The following COL11A1 variants were observed in gnomAD, a reference collection of about 807,000 sequenced individuals.
COL11A1 encodes collagen type XI alpha 1 chain, also known as collagen alpha-1(XI) chain.
Under a neutral mutation model 265.2 loss-of-function variants are expected in COL11A1, and 74 were observed. The ratio of observed to expected loss-of-function variants is 0.28; its 90% CI spans 0.23 to 0.34. COL11A1 has a LOEUF of 0.34. COL11A1 is among the 10% of genes least tolerant of loss of function. The probability of loss-of-function intolerance (pLI) is 1.00; values close to 1 mark genes in which losing one functional copy is unlikely to be tolerated. For missense variants in COL11A1, 2,165 were observed against 2,263.6 expected (o/e 0.96, Z 0.88); for synonymous variants, 816 against 727.6 (o/e 1.12, Z -1.96).
rs1464803763 is a variant in COL11A1 at position 102,931,540 on chromosome 1, T to G, written c.3600+2909A>C. The stretch of plus-strand genomic sequence containing the variant: ...ATGTGGTCAATTTTGGAATAGGTGT[T>G]TTGTGGTGCTGAAAAAAATGTATAT... On this transcript the variant is annotated intron_variant, in intron 46 of 66. Coordinates refer to ENST00000370096, the MANE Select transcript of COL11A1 (RefSeq NM_001854.4). Among the ~76,000 whole-genome samples the G allele has an allele frequency of 2.0e-3, 304 of 151,812 alleles. 1 individual carries two copies. The highest frequency in any genetic ancestry group is 6.9e-3 in the African/African-American group (287 of 41,390).
intron 23 of COL11A1, 122 bp downstream of exon 23, chr1:103,002,304 TCC>T (rs1291199265): frequency 3.2e-6 from 3 of 925,538 alleles, no homozygotes; most frequent in Non-Finnish European, 5.1e-6. Flanking sequence ...GTATGTATTT[TCC>T]TACATTCACA....
At chr1:102,914,523 T>C (rs1033660628) in intron 51 of COL11A1, 118 bp from the exon 52 acceptor site, 10 of 1,097,860 alleles carry the variant, frequency 9.1e-6, no homozygotes, top group Non-Finnish European at 1.3e-5. Flanking sequence ...ATATTTCTCT[T>C]CTCCCGCCAA....
chr1:102,885,325 A>C (rs1320506), intron 63 of COL11A1, among the ~76,000 whole-genome samples: 142,682 of 152,062 alleles, frequency 0.94, 66,992 homozygotes, highest in East Asian at 1. Context: ...GAATCGAATT[A>C]TTTCTACCTT....
At chr1:103,046,159 G>A (rs1293283250) in intron 4 of COL11A1, among the ~76,000 whole-genome samples, 3 of 150,814 alleles carry the variant, frequency 2.0e-5, no homozygotes, top group Non-Finnish European at 4.4e-5. Context: ...GGGTCAAATG[G>A]TATTTCTAGT....
At chr1:102,926,981 C>T (rs1198003722) in intron 46 of COL11A1, among the ~76,000 whole-genome samples, 1 of 151,822 alleles carries the variant, frequency 6.6e-6, no homozygotes, top group Admixed American at 6.6e-5. Context: ...ATTATTTTGA[C>T]CTTAAAATGA....
intron 4 of COL11A1, among the ~76,000 whole-genome samples, chr1:103,068,397 C>T (rs1671316163): frequency 6.6e-6 from 1 of 151,490 alleles, no homozygotes; most frequent in Non-Finnish European, 1.5e-5. Flanking sequence ...AAATTTAGTA[C>T]ATGTTCTTGA....
At position 102,879,905 on chromosome 1, in the gene COL11A1, T is replaced by G. The variant is rs1289194467; in HGVS notation, c.5052A>C (p.Leu1684Phe). The G allele has an allele frequency of 6.2e-7, 1 of 1,606,380 alleles. No individual in the cohort carries two copies. The highest frequency in any genetic ancestry group is 1.7e-4 in the Middle Eastern group (1 of 6,046). The change falls in exon 66 of 67, where the codon TTA becomes TTC. Residue 1684 changes from leucine (L) to phenylalanine (F), a missense_variant. By Grantham distance (22) the Leu-to-Phe change is conservative. Coordinates refer to ENST00000370096, the MANE Select transcript of COL11A1 (RefSeq NM_001854.4). ...TATTGATGGAATTTCCTTCAACATC[T>G]AAGTATGAAAGCTAGGAATAAAGGA... ...EFKRGKLLSY[L>F]DVEGNSINMV...
In COL11A1 at chr1:103,010,814, C is replaced by T. The variant is rs2485317; in HGVS notation, c.1629+1599G>A. 3.1e-3 allele frequency among the ~76,000 whole-genome samples: 464 copies of T among 152,092 alleles called. 3 individuals carry two copies. Among genetic ancestry groups the T allele is most frequent in the African/African-American group, 0.011 (445 of 41,468 alleles). On this transcript the variant is annotated intron_variant, in intron 14 of 66. Transcript: ENST00000370096. ...ATCCCGGGTTCAAGCCATTCTCCTG[C>T]CTCAGCCTCCCGAGTAGCTGGGATT...
intron 42 of COL11A1, among the ~76,000 whole-genome samples, chr1:102,941,404 A>G (rs894303458): frequency 2.0e-5 from 3 of 152,110 alleles, no homozygotes; most frequent in African/African-American, 7.2e-5. Context: ...CATGTTACCT[A>G]CATTCTTAGG....
intron 57 of COL11A1, among the ~76,000 whole-genome samples, chr1:102,895,314 A>G (rs1652283048): frequency 6.6e-6 from 1 of 152,180 alleles, no homozygotes; most frequent in Non-Finnish European, 1.5e-5. Context: ...TCAATTGTCT[A>G]AATAGGTAGC....
At chr1:103,015,180 T>C (rs1005475103) in intron 12 of COL11A1, among the ~76,000 whole-genome samples, 1 of 152,050 alleles carries the variant, frequency 6.6e-6, no homozygotes, top group Non-Finnish European at 1.5e-5. Context: ...GAAACTTTGT[T>C]CATTACATTG....
At chr1:103,044,167 T>TTTG (rs1361162671) in intron 4 of COL11A1, among the ~76,000 whole-genome samples, 1 of 147,438 alleles carries the variant, frequency 6.8e-6, no homozygotes, top group East Asian at 1.9e-4. Flanking sequence ...TCTCACCAGT[T>TTTG]TTTTTTTTTT....
intron 21 of COL11A1, 144 bp downstream of exon 21, chr1:103,003,071 G>A (rs1326294618): frequency 1.2e-5 from 10 of 865,402 alleles, no homozygotes; most frequent in Non-Finnish European, 1.7e-5. Context: ...GGAATGATGA[G>A]TTAAAGTGAA....
chr1:103,012,679 C>T (rs1557944306), intron 13 of COL11A1, among the ~76,000 whole-genome samples: 2 of 152,060 alleles, frequency 1.3e-5, no homozygotes, highest in Non-Finnish European at 2.9e-5. Flanking sequence ...AACTTTTTAA[C>T]ATATAAAATC....
At chr1:102,974,731 A>G in intron 36 of COL11A1, 99 bp downstream of exon 36, 3 of 859,686 alleles carry the variant, frequency 3.5e-6, no homozygotes, top group East Asian at 2.7e-5. Flanking sequence ...CAGAGATTTT[A>G]TCAATATTAT....
chr1:103,024,019 T>A (rs1557961092), intron 7 of COL11A1, among the ~76,000 whole-genome samples: 1 of 152,178 alleles, frequency 6.6e-6, no homozygotes, highest in Non-Finnish European at 1.5e-5. Flanking sequence ...AACTGATACC[T>A]TTTTTTCTCA....
chr1:102,914,097 T>C (rs1036473499), intron 52 of COL11A1, among the ~76,000 whole-genome samples: 3 of 152,222 alleles, frequency 2.0e-5, no homozygotes, highest in Admixed American at 2.0e-4. Flanking sequence ...AACTTGTTTT[T>C]ACAACCCATC....
chr1:102,930,354 T>C (rs1035199704), intron 46 of COL11A1, among the ~76,000 whole-genome samples: 1 of 151,862 alleles, frequency 6.6e-6, no homozygotes. Context: ...GATAATCATG[T>C]GGTTTTTGTC....
chr1:102,916,372 A>C (rs1166329308), intron 49 of COL11A1, among the ~76,000 whole-genome samples: 1 of 152,092 alleles, frequency 6.6e-6, no homozygotes, highest in African/African-American at 2.4e-5. Context: ...CTAATGCCCC[A>C]CAATTCAAAA....
Sources: gnomAD v4.1 joint callset for allele counts (sites outside exome capture counted in the v4.1 genomes callset) on GRCh38, gnomAD v4.1.1 for gene constraint, MANE v1.5 for transcripts, NCBI Gene and HGNC (gene_info 2026-07-23, HGNC 2026-07-21) for gene names.